The following MRPL38 variants were observed in gnomAD, a reference collection of about 807,000 sequenced individuals.
The protein encoded by MRPL38 is large ribosomal subunit protein mL38.
Under a neutral mutation model 52.1 loss-of-function variants are expected in MRPL38, and 51 were observed. The ratio of observed to expected loss-of-function variants is 0.98; its 90% CI spans 0.78 to 1.24. The LOEUF (loss-of-function observed/expected upper bound fraction) is 1.24. Ranked by LOEUF, MRPL38 falls within the 50% of genes most tolerant of loss-of-function variation. The pLI, the probability that MRPL38 is intolerant of heterozygous loss-of-function variation, is 0.00. For synonymous variants in MRPL38, 245 were observed against 212.7 expected (o/e 1.15, Z -1.32); for missense variants, 527 against 518.6 (o/e 1.02, Z -0.16).
chr17:75,899,957 C>G (rs550791387), intron 6 of MRPL38: 1 of 255,670 alleles, frequency 3.9e-6, no homozygotes, highest in South Asian at 1.6e-4. Flanking sequence ...GCCGGTGGGT[C>G]CGCCACAGTC....
rs766949270 is a variant in MRPL38 at position 75,904,680 on chromosome 17, G to A, written c.107C>T (p.Pro36Leu). Residue 36 changes from proline (P) to leucine (L), a missense_variant, in exon 2 of 9, where the codon CCC (proline) becomes CTC (leucine). Physicochemically the swap from Pro to Leu is moderately conservative, Grantham distance 98 (BLOSUM62 -3). Transcript: ENST00000309352. ...GTTGCTCAAGTCGATGTCACTGTTG[G>A]GCATCGGCCCCAGCGGGGGTGTCCG... ...GRRTPPLGPM[P>L]NSDIDLSNLE... 13 of 1,596,870 alleles carry A rather than the reference G, an allele frequency of 8.1e-6. No homozygotes were observed. The highest frequency in any genetic ancestry group is 2.2e-5 in the East Asian group (1 of 44,738).
chr17:75,903,667 G>A (rs1000821356), intron 2 of MRPL38, among the ~76,000 whole-genome samples: 1 of 151,058 alleles, frequency 6.6e-6, no homozygotes, highest in Non-Finnish European at 1.5e-5. Context: ...CTAAAGAAAA[G>A]AAAAGAAAAG....
In MRPL38 at chr17:75,901,159, AGGTGAGCGGGGCAGGAGGCCT is replaced by A; in HGVS notation, c.664+21_664+41del. ...GCCCCCCAGGGCCCTGGCTCATAGG[AGGTGAGCGGGGCAGGAGGCCT>A]GGTGAGCCCCAGACACCCACCCAAG... On this transcript the variant is annotated intron_variant, in intron 5 of 8. Transcript: ENST00000309352. This position sits in a 1 kb window ranked among gnomAD's most constrained non-coding sequence, Gnocchi z 5.7. 6.2e-7 allele frequency: 1 copy of A among 1,609,154 alleles called. No individual in the cohort carries two copies. Among genetic ancestry groups the A allele is most frequent in the Non-Finnish European group, 8.5e-7 (1 of 1,177,440 alleles).
At position 75,901,787 on chromosome 17, in the gene MRPL38, G is replaced by A; in HGVS notation, c.516C>T (p.Pro172=). ...CACCCACAGCGTAGGCCACGTGCAG[G>A]GGGACTCGGGGCACAAAGGTGGCAC... is the stretch of plus-strand genomic sequence containing the variant. The part of the protein sequence containing the change: ...FHGATFVPRV[P]LHVAYAVGED... The change falls in exon 4 of 9, where the codon CCC becomes CCT. Residue 172 remains proline, a synonymous_variant. Coordinates refer to ENST00000309352, the MANE Select transcript of MRPL38 (RefSeq NM_032478.4). This position sits in a 1 kb window ranked among gnomAD's most constrained non-coding sequence, Gnocchi z 5.7. The A allele has an allele frequency of 6.2e-7, 1 of 1,613,746 alleles. No homozygotes were observed. The highest frequency in any genetic ancestry group is 8.5e-7 in the Non-Finnish European group (1 of 1,179,882).
chr17:75,899,093 C>T (rs998560490), intron 8 of MRPL38, 65 bp downstream of exon 8: 3 of 1,548,968 alleles, frequency 1.9e-6, no homozygotes, highest in African/African-American at 2.7e-5. Context: ...AAAGCTTCTC[C>T]CTGGCAGGGC....
intron 2 of MRPL38, chr17:75,904,262 G>C: frequency 1.6e-6 from 1 of 612,944 alleles, no homozygotes; most frequent in Non-Finnish European, 3.1e-6. Flanking sequence ...ATCCCAATCC[G>C]GAAAGTCAGG....
intron 7 of MRPL38, 41 bp from the exon 8 acceptor site, chr17:75,899,335 C>A: frequency 6.3e-7 from 1 of 1,598,930 alleles, no homozygotes; most frequent in South Asian, 1.1e-5. Flanking sequence ...TGGAGTGGGG[C>A]ACCAGAGCCC....
Position 75,899,227 on chromosome 17 carries a change from G to A in MRPL38, c.937C>T (p.Pro313Ser). 1 of 1,611,062 alleles carries A rather than the reference G, an allele frequency of 6.2e-7. No individual in the cohort carries two copies. Among genetic ancestry groups the A allele is most frequent in the South Asian group, 1.1e-5 (1 of 90,490 alleles). Residue 313 changes from proline (P) to serine (S), a missense_variant, in exon 8 of 9, where the codon CCA becomes TCA. Coordinates refer to ENST00000309352, the MANE Select transcript of MRPL38 (RefSeq NM_032478.4). ...FYKKHQETMT[P>S]AGLSFFQCRW... ...CACTGGAAGAAGGACAAGCCGGCTG[G>A]AGTCATGGTTTCTTGGTGTTTCTTG...
chr17:75,898,865 G>A lies in MRPL38; in HGVS notation c.1128C>T (p.Thr376=), dbSNP rs758411476. The change falls in exon 9 of 9, where the codon ACC becomes ACT. Residue 376 remains threonine, a synonymous_variant. Transcript: ENST00000309352. ...CTCTGGCTCCTTAGTAGATGCCATA[G>A]GTGGGCTCATGACTGTCCCTGTACC... ...LDRYRDSHEP[T]YGIY is the part of the protein sequence containing the mutation. 73 of 1,611,958 alleles carry A rather than the reference G, an allele frequency of 4.5e-5. No individual in the cohort carries two copies. The highest frequency in any genetic ancestry group is 5.9e-5 in the Non-Finnish European group (70 of 1,179,542).
chr17:75,904,491 C>G (rs1389099346), intron 2 of MRPL38, 49 bp downstream of exon 2: 9 of 1,468,876 alleles, frequency 6.1e-6, no homozygotes, highest in Non-Finnish European at 7.2e-6. Context: ...CCGGCGGGTC[C>G]CGAGTTCCCC....
intron 6 of MRPL38, 163 bp downstream of exon 6, chr17:75,900,819 A>G: frequency 7.0e-7 from 1 of 1,432,176 alleles, no homozygotes; most frequent in South Asian, 1.5e-5. Context: ...CTTCAAGTAG[A>G]CACGTGGATC....
At chr17:75,902,457 GCTGGTCTC>G (rs2065409396) in intron 2 of MRPL38, among the ~76,000 whole-genome samples, 1 of 152,084 alleles carries the variant, frequency 6.6e-6, no homozygotes, top group Non-Finnish European at 1.5e-5. Flanking sequence ...TGTTGCTCAG[GCTGGTCTC>G]AAAACTCCTG....
At chr17:75,904,104 G>A in intron 2 of MRPL38, 1 of 407,484 alleles carries the variant, frequency 2.5e-6, no homozygotes, top group Non-Finnish European at 5.0e-6. Context: ...GTACATCCTT[G>A]CACTGTTCGG....
intron 6 of MRPL38, 194 bp downstream of exon 6, chr17:75,900,788 A>G (rs2065400416): frequency 7.1e-7 from 1 of 1,408,258 alleles, no homozygotes. Context: ...GCCTACTGCA[A>G]ACTTTGTCTC....
At position 75,902,162 on chromosome 17, in the gene MRPL38, G is replaced by C; in HGVS notation, c.248-8C>G. On this transcript the variant is annotated splice_region_variant and splice_polypyrimidine_tract_variant and intron_variant, in intron 2 of 8. Coordinates refer to ENST00000309352, the MANE Select transcript of MRPL38 (RefSeq NM_032478.4). The stretch of plus-strand genomic sequence containing the variant: ...CAATCTTCTCTTTGGGATCTGGAGT[G>C]GGAAGATGTGTGGGAAAAACAGGGT... 6.4e-7 allele frequency: 1 copy of C among 1,553,014 alleles called. No individual in the cohort carries two copies. Among genetic ancestry groups the C allele is most frequent in the African/African-American group, 1.4e-5 (1 of 73,260 alleles).
Position 75,902,014 on chromosome 17 carries a change from G to A in MRPL38, c.382+6C>T, listed in dbSNP as rs781297864. 1.2e-6 allele frequency: 2 copies of A among 1,613,794 alleles called. No homozygotes were observed. The highest frequency in any genetic ancestry group is 4.5e-5 in the East Asian group (2 of 44,876). On this transcript the variant is annotated splice_donor_region_variant and intron_variant, in intron 3 of 8. Coordinates refer to ENST00000309352, the MANE Select transcript of MRPL38 (RefSeq NM_032478.4). ...CTGGGATGGCCCCTCCCCTGAGAAG[G>A]CTTACCTGTGCGGAGGCGGGCAGCC... is the stretch of plus-strand genomic sequence containing the variant.
At position 75,899,660 on chromosome 17, in the gene MRPL38, C is replaced by T. The variant is rs746322017; in HGVS notation, c.725G>A (p.Gly242Asp). The T allele has an allele frequency of 2.5e-6, 4 of 1,577,450 alleles. No individual in the cohort carries two copies. The highest frequency in any genetic ancestry group is 1.4e-5 in the African/African-American group (1 of 73,926). ...YLHWLLTNIP[G>D]NRVAEGQVTC... ...CACCTGTCCTTCAGCCACCCGGTTACCCGGGATGTTGGTTCTGGGAGGAGG... is the reference window on the plus strand; with the variant it reads ...CACCTGTCCTTCAGCCACCCGGTTATCCGGGATGTTGGTTCTGGGAGGAGG... The change falls in exon 7 of 9, where the codon GGT (glycine) becomes GAT (aspartate). Residue 242 changes from glycine (G) to aspartate (D), a missense_variant. Transcript: ENST00000309352.
Position 75,901,517 on chromosome 17 carries a change from A to T in MRPL38, c.591+195T>A. ...ACACCACAGACAGCAGGCTGGTCAC[A>T]GGAATGTGCTAAGACAGAGCCTCTT... On this transcript the variant is annotated intron_variant, in intron 4 of 8. Transcript: ENST00000309352. This position sits in a 1 kb window ranked among gnomAD's most constrained non-coding sequence, Gnocchi z 5.7. 1.5e-6 allele frequency: 1 copy of T among 663,908 alleles called. No individual in the cohort carries two copies. Among genetic ancestry groups the T allele is most frequent in the Non-Finnish European group, 2.6e-6 (1 of 384,184 alleles). The allele number at this position is 663,908 out of a possible 1,614,324, so 41.1% of individuals were successfully genotyped here.
chr17:75,900,804 G>A (rs765259931), intron 6 of MRPL38, 178 bp downstream of exon 6: 133 of 1,423,680 alleles, frequency 9.3e-5, no homozygotes, highest in Non-Finnish European at 1.1e-4. Context: ...GTCTCCTGTA[G>A]CTGTCTTCAA....
Sources: allele counts gnomAD v4.1 joint callset (sites outside exome capture counted in the v4.1 genomes callset), GRCh38; gene constraint gnomAD v4.1.1; non-coding constraint Gnocchi (gnomAD v3.1); transcripts MANE v1.5; gene names NCBI Gene and HGNC (gene_info 2026-07-23, HGNC 2026-07-21).